GRIA2: variants seen among roughly 807,000 people sequenced by gnomAD.
The protein encoded by GRIA2 is glutamate receptor 2.
Under a neutral mutation model 97.3 loss-of-function variants are expected in GRIA2, and 14 were observed. The observed-to-expected ratio is 0.14, with a 90% CI of 0.10 to 0.23. GRIA2 has a LOEUF of 0.23. GRIA2 is among the 10% of genes least tolerant of loss of function. The pLI is 1.00. For synonymous variants in GRIA2, 412 were observed against 387.8 expected, an observed-to-expected ratio of 1.06 and a Z score of -0.73; for missense variants, 558 against 1,069.8, an observed-to-expected ratio of 0.52 and a Z score of 6.67.
chr4:157,363,376 C>T, intron 15 of GRIA2, 59 bp from the exon 16 acceptor site: 1 of 1,086,434 alleles, frequency 9.2e-7, no homozygotes, highest in Non-Finnish European at 1.2e-6. Context: ...CCTCTGGATG[C>T]ATTTGAAAAC....
At chr4:157,335,960 A>G in intron 10 of GRIA2, 83 bp downstream of exon 10, 1 of 867,318 alleles carries the variant, frequency 1.2e-6, no homozygotes, top group Non-Finnish European at 1.9e-6. Context: ...TGAAGTATCT[A>G]TATCTGAGGT....
intron 2 of GRIA2, among the ~76,000 whole-genome samples, chr4:157,265,855 T>A: frequency 6.6e-6 from 1 of 152,202 alleles, no homozygotes; most frequent in African/African-American, 2.4e-5. Context: ...TATTTAAGCA[T>A]AGTTCAGAAA....
chr4:157,240,910 C>T (rs1423854333), intron 2 of GRIA2, among the ~76,000 whole-genome samples: 1 of 151,044 alleles, frequency 6.6e-6, no homozygotes, highest in Admixed American at 6.6e-5. Context: ...CTTCCTGTGT[C>T]CATGTGATCT....
chr4:157,251,113 GT>G (rs1366493119), intron 2 of GRIA2, among the ~76,000 whole-genome samples: 2 of 151,998 alleles, frequency 1.3e-5, no homozygotes, highest in African/African-American at 2.4e-5. Context: ...ATACCTTCAA[GT>G]TTTTTATGAA....
At chr4:157,329,543 G>T (rs1157838477) in intron 6 of GRIA2, among the ~76,000 whole-genome samples, 1 of 151,730 alleles carries the variant, frequency 6.6e-6, no homozygotes, top group Non-Finnish European at 1.5e-5. Context: ...GATTTCTGAG[G>T]GTCTATAATA....
chr4:157,243,897 TG>T (rs1211001528), intron 2 of GRIA2, among the ~76,000 whole-genome samples: 2 of 151,728 alleles, frequency 1.3e-5, no homozygotes, highest in Non-Finnish European at 2.9e-5. Context: ...ATGGAGCCTA[TG>T]TTAGAATGGG....
intron 12 of GRIA2, among the ~76,000 whole-genome samples, chr4:157,350,062 C>A (rs1484770314): frequency 6.6e-6 from 1 of 152,056 alleles, no homozygotes; most frequent in African/African-American, 2.4e-5. Flanking sequence ...TTTTTATTGA[C>A]AATCTATTCT....
chr4:157,235,189 C>T (rs576754649), intron 2 of GRIA2, among the ~76,000 whole-genome samples: 8 of 152,176 alleles, frequency 5.3e-5, no homozygotes, highest in African/African-American at 1.7e-4. Flanking sequence ...CTTTAAAGTG[C>T]TTTTATCTAC....
At chr4:157,240,193 G>A (rs924800025) in intron 2 of GRIA2, among the ~76,000 whole-genome samples, 2 of 152,066 alleles carry the variant, frequency 1.3e-5, no homozygotes, top group African/African-American at 4.8e-5. Flanking sequence ...ATGGGTGTGT[G>A]TGCATAATAT....
chr4:157,295,600 G>A (rs942019798), intron 2 of GRIA2, among the ~76,000 whole-genome samples: 2 of 152,114 alleles, frequency 1.3e-5, no homozygotes, highest in African/African-American at 4.8e-5. Flanking sequence ...ATGCTACACT[G>A]CCAGGTCCAG....
At chr4:157,291,403 A>G (rs974340584) in intron 2 of GRIA2, among the ~76,000 whole-genome samples, 3 of 152,004 alleles carry the variant, frequency 2.0e-5, no homozygotes, top group African/African-American at 7.2e-5. Flanking sequence ...GACAATAACT[A>G]AATATTGATG....
chr4:157,317,347 C>T (rs1037619543), intron 4 of GRIA2, among the ~76,000 whole-genome samples: 1 of 152,060 alleles, frequency 6.6e-6, no homozygotes, highest in African/African-American at 2.4e-5. Context: ...ACTAAAGATA[C>T]TTTGGTTTCA....
chr4:157,338,008 GTATA>G (rs70958818), intron 11 of GRIA2, among the ~76,000 whole-genome samples: 6,532 of 78,996 alleles, frequency 0.083, 266 homozygotes, highest in African/African-American at 0.12. Flanking sequence ...ATATATATGT[GTATA>G]TATATATATA....
intron 2 of GRIA2, among the ~76,000 whole-genome samples, chr4:157,267,331 A>G (rs1731815626): frequency 6.7e-6 from 1 of 149,610 alleles, no homozygotes; most frequent in South Asian, 2.1e-4. Context: ...GGCTGAGGTT[A>G]CAGTGAGCTG....
intron 5 of GRIA2, among the ~76,000 whole-genome samples, chr4:157,319,566 G>C (rs367618426): frequency 1.3e-5 from 2 of 152,032 alleles, no homozygotes; most frequent in Non-Finnish European, 2.9e-5. Flanking sequence ...AGTTCGAAAG[G>C]CTGTATAGTG....
At position 157,336,592 on chromosome 4, in the gene GRIA2, G is replaced by A; in HGVS notation, c.1689G>A (p.Leu563=). 2 of 1,613,372 alleles carry A rather than the reference G, an allele frequency of 1.2e-6. No homozygotes were observed. The highest frequency in any genetic ancestry group is 8.5e-7 in the Non-Finnish European group (1 of 1,179,538). The part of the protein sequence containing the change: ...AYIGVSVVLF[L]VSRFSPYEWH... ...TTGGGGTCAGTGTAGTTTTATTCCT[G>A]GTCAGCAGATTTAGCCCCTACGAGT... Residue 563 remains leucine (L), a synonymous_variant, in exon 11 of 16, where the codon CTG becomes CTA. Transcript: ENST00000264426.
At chr4:157,349,040 C>T (rs1307894408) in intron 12 of GRIA2, among the ~76,000 whole-genome samples, 1 of 152,108 alleles carries the variant, frequency 6.6e-6, no homozygotes, top group Non-Finnish European at 1.5e-5. Context: ...AAGCTAAATC[C>T]TTTTATAAGG....
intron 12 of GRIA2, among the ~76,000 whole-genome samples, chr4:157,348,378 A>G (rs1274540681): frequency 2.0e-5 from 3 of 152,014 alleles, no homozygotes; most frequent in Non-Finnish European, 4.4e-5. Context: ...AGCTGGGACC[A>G]CAAGTGTTCA....
chr4:157,356,597 T>C (rs1336298531), intron 12 of GRIA2, among the ~76,000 whole-genome samples: 1 of 152,152 alleles, frequency 6.6e-6, no homozygotes, highest in Non-Finnish European at 1.5e-5. Context: ...GATTTGTCTT[T>C]GATTTGCATT....
Sources: allele counts gnomAD v4.1 joint callset (sites outside exome capture counted in the v4.1 genomes callset), GRCh38; gene constraint gnomAD v4.1.1; transcripts MANE v1.5; gene names NCBI Gene and HGNC (gene_info 2026-07-23, HGNC 2026-07-21).